Variants in FOXN3 observed in about 807,000 individuals in gnomAD.
FOXN3 encodes forkhead box N3, also known as forkhead box protein N3.
In FOXN3, 7 loss-of-function variants were observed where a neutral mutation model predicts 38.4. The ratio of observed to expected loss-of-function variants is 0.18; its 90% CI spans 0.10 to 0.34. The LOEUF (loss-of-function observed/expected upper bound fraction) is 0.34, where lower values mean the gene tolerates loss of function less well. FOXN3 is among the 10% of genes least tolerant of loss of function. The pLI is 1.00. For missense variants in FOXN3, 456 were observed against 613.4 expected (o/e 0.74, Z 2.71); for synonymous variants, 230 against 242.2 (o/e 0.95, Z 0.47).
chr14:89,325,658 T>C (rs1888061071), intron 3 of FOXN3, among the ~76,000 whole-genome samples: 1 of 152,228 alleles, frequency 6.6e-6, no homozygotes, highest in African/African-American at 2.4e-5. Flanking sequence ...GAATAGACAC[T>C]ACCCATTGTG....
chr14:89,171,979 A>G (rs1349790629), intron 5 of FOXN3, among the ~76,000 whole-genome samples: 2 of 152,242 alleles, frequency 1.3e-5, no homozygotes, highest in African/African-American at 4.8e-5. Flanking sequence ...ATAAACTGTT[A>G]GAGTTACTAA....
At position 89,178,313 on chromosome 14, in the gene FOXN3, C is replaced by T. The variant is rs978948598; in HGVS notation, c.851+2388G>A. Among the ~76,000 whole-genome samples the T allele has an allele frequency of 3.3e-5, 5 of 152,194 alleles. No individual in the cohort carries two copies. In the East Asian group the frequency reaches 5.8e-4, roughly 18 times the overall value. On this transcript the variant is annotated intron_variant, in intron 5 of 5. Coordinates refer to ENST00000557258, the MANE Select transcript of FOXN3 (RefSeq NM_005197.4). Reference sequence around the variant, plus strand: ...CGTGAGCCAATGTGCCCGGCCTCGGCGAATTTTTAAACTTTTTGTAGAGCT... The same window carrying T: ...CGTGAGCCAATGTGCCCGGCCTCGGTGAATTTTTAAACTTTTTGTAGAGCT...
intron 3 of FOXN3, among the ~76,000 whole-genome samples, chr14:89,334,487 G>A (rs1596192074): frequency 6.6e-6 from 1 of 152,058 alleles, no homozygotes; most frequent in South Asian, 2.1e-4. Context: ...GTGCACACCT[G>A]TAGTCTCAGC....
chr14:89,162,660 C>T lies in FOXN3; in HGVS notation c.1161G>A (p.Leu387=), dbSNP rs760264825. The T allele has an allele frequency of 1.2e-6, 2 of 1,614,028 alleles. No individual in the cohort carries two copies. The highest frequency in any genetic ancestry group is 2.2e-5 in the South Asian group (2 of 91,062). The change falls in exon 6 of 6, where the codon CTG becomes CTA. Residue 387 remains leucine, a synonymous_variant. Transcript: ENST00000557258. This position sits in a 1 kb window ranked among gnomAD's most constrained non-coding sequence, Gnocchi z 7.2. ...KHSQKEPKDS[L]GDSGYASQHK... is the part of the protein sequence containing the mutation. ...GCTGGGATGCGTACCCGCTGTCCCC[C>T]AGAGAATCCTTGGGCTCCTTCTGGC...
intron 2 of FOXN3, among the ~76,000 whole-genome samples, chr14:89,404,458 T>A (rs906793210): frequency 2.3e-5 from 3 of 133,332 alleles, no homozygotes; most frequent in Admixed American, 9.0e-5. Context: ...TGAGCCGAGA[T>A]TGCACCACTG....
intron 3 of FOXN3, among the ~76,000 whole-genome samples, chr14:89,333,678 C>T (rs571741595): frequency 1.2e-4 from 16 of 135,964 alleles, no homozygotes; most frequent in African/African-American, 4.4e-4. Flanking sequence ...ATGAGAATCG[C>T]TTGACAGAGG....
intron 4 of FOXN3, among the ~76,000 whole-genome samples, chr14:89,207,016 A>G (rs1339377600): frequency 6.6e-6 from 1 of 152,168 alleles, no homozygotes; most frequent in African/African-American, 2.4e-5. Context: ...CAATAAGAAC[A>G]ACAATAGTAG....
intron 1 of FOXN3, among the ~76,000 whole-genome samples, chr14:89,607,877 C>A (rs376306508): frequency 6.6e-6 from 1 of 151,782 alleles, no homozygotes; most frequent in African/African-American, 2.4e-5. Context: ...AGTGCAGTGG[C>A]GCTATCTTGG....
chr14:89,538,905 G>A (rs1012238094), intron 1 of FOXN3, among the ~76,000 whole-genome samples: 4 of 150,816 alleles, frequency 2.7e-5, no homozygotes, highest in Non-Finnish European at 5.9e-5. Flanking sequence ...GTGCAGTGGT[G>A]CGATCTCCGC....
At chr14:89,615,921 T>C (rs242776) in intron 1 of FOXN3, among the ~76,000 whole-genome samples, 81,111 of 152,052 alleles carry the variant, frequency 0.53, 22,932 homozygotes, top group East Asian at 0.88. Context: ...TAAGGGAAAT[T>C]TGCTGCTTTT....
At chr14:89,425,928 G>T (rs1442600916) in intron 1 of FOXN3, among the ~76,000 whole-genome samples, 1 of 152,044 alleles carries the variant, frequency 6.6e-6, no homozygotes, top group African/African-American at 2.4e-5. Flanking sequence ...AACGAACTGT[G>T]CCAGAATGAC....
At chr14:89,229,372 T>G (rs1596117575) in intron 4 of FOXN3, among the ~76,000 whole-genome samples, 2 of 152,198 alleles carry the variant, frequency 1.3e-5, no homozygotes, top group African/African-American at 2.4e-5. Context: ...AAGTATTTAT[T>G]AAGCTCTTGC....
chr14:89,277,281 C>A (rs933826390), intron 4 of FOXN3, among the ~76,000 whole-genome samples: 3 of 152,190 alleles, frequency 2.0e-5, no homozygotes, highest in African/African-American at 7.2e-5. Context: ...GGTGGGGACA[C>A]CTGTCAGCTG....
chr14:89,165,365 T>C (rs1461881548), intron 5 of FOXN3, among the ~76,000 whole-genome samples: 1 of 152,218 alleles, frequency 6.6e-6, no homozygotes, highest in African/African-American at 2.4e-5. Context: ...CAAGGCTGTT[T>C]GTGGTGCCTG....
intron 4 of FOXN3, among the ~76,000 whole-genome samples, chr14:89,188,949 C>T (rs1887876603): frequency 6.6e-6 from 1 of 152,138 alleles, no homozygotes; most frequent in South Asian, 2.1e-4. Flanking sequence ...GCCAGTGACA[C>T]ATCTGCTTAG....
intron 1 of FOXN3, among the ~76,000 whole-genome samples, chr14:89,583,424 C>A (rs1895784141): frequency 6.6e-6 from 1 of 152,180 alleles, no homozygotes; most frequent in Non-Finnish European, 1.5e-5. Flanking sequence ...GCATTCATCC[C>A]ATTTTGCGCT....
intron 5 of FOXN3, among the ~76,000 whole-genome samples, chr14:89,180,160 A>T (rs1238170275): frequency 6.6e-6 from 1 of 152,186 alleles, no homozygotes; most frequent in African/African-American, 2.4e-5. Flanking sequence ...TGTCCCAAGG[A>T]AGGGTTCATG....
chr14:89,508,735 G>A (rs1893999496), intron 1 of FOXN3, among the ~76,000 whole-genome samples: 1 of 152,186 alleles, frequency 6.6e-6, no homozygotes, highest in South Asian at 2.1e-4. Context: ...TGCAGGCCCT[G>A]TGAGATGCAG....
At chr14:89,507,627 G>A (rs1165206186) in intron 1 of FOXN3, among the ~76,000 whole-genome samples, 2 of 152,158 alleles carry the variant, frequency 1.3e-5, no homozygotes, top group Admixed American at 6.5e-5. Context: ...AATGAGAAGT[G>A]TGTGACTAAT....
Sources: gnomAD v4.1 joint callset for allele counts (sites outside exome capture counted in the v4.1 genomes callset) on GRCh38, gnomAD v4.1.1 for gene constraint, Gnocchi (gnomAD v3.1) non-coding constraint, MANE v1.5 for transcripts, NCBI Gene and HGNC (gene_info 2026-07-23, HGNC 2026-07-21) for gene names.